The following SPRED1 variants were observed in gnomAD, a reference collection of about 807,000 sequenced individuals.
SPRED1 encodes the protein sprouty related EVH1 domain containing 1, also known as sprouty-related, EVH1 domain-containing protein 1.
A neutral mutation model predicts 52.3 loss-of-function variants in SPRED1; 18 were observed. That is an observed-to-expected ratio of 0.34 (90% CI 0.24 to 0.51). The LOEUF (loss-of-function observed/expected upper bound fraction) is 0.51. Ranked by LOEUF, SPRED1 falls within the 20% of genes least tolerant of loss-of-function variation. The pLI is 0.97. For synonymous variants in SPRED1, 155 were observed against 179.7 expected, an observed-to-expected ratio of 0.86 and a Z score of 1.10; for missense variants, 485 against 551.0, an observed-to-expected ratio of 0.88 and a Z score of 1.20.
At chr15:38,274,239 C>T (rs1894499331) in intron 1 of SPRED1, among the ~76,000 whole-genome samples, 1 of 152,138 alleles carries the variant, frequency 6.6e-6, no homozygotes, top group Admixed American at 6.5e-5. Context: ...TGGTTTAGAA[C>T]CAAAATTCTA....
Position 38,271,021 on chromosome 15 carries a change from A to G in SPRED1, c.32+17804A>G, listed in dbSNP as rs369718130. On this transcript the variant is annotated intron_variant, in intron 1 of 6. Transcript: ENST00000299084. The stretch of plus-strand genomic sequence containing the variant: ...TTTTGCTTTATTTTACCTTTTAGAC[A>G]CTGGGTTTTTAAAGATAAATATTAT... Among the ~76,000 whole-genome samples the G allele has an allele frequency of 1.2e-4, 19 of 152,210 alleles. No individual in the cohort carries two copies. The East Asian group carries it at 3.1e-3, about 25-fold the overall frequency.
chr15:38,338,052 A>G (rs1232455775), intron 4 of SPRED1, among the ~76,000 whole-genome samples: 1 of 149,734 alleles, frequency 6.7e-6, no homozygotes, highest in Non-Finnish European at 1.5e-5. Flanking sequence ...AAAAAAAAAA[A>G]AAAAAAAAAA....
At chr15:38,344,621 A>G (rs1182706186) in intron 5 of SPRED1, among the ~76,000 whole-genome samples, 2 of 152,156 alleles carry the variant, frequency 1.3e-5, no homozygotes, top group Non-Finnish European at 2.9e-5. Flanking sequence ...TTTACTTACT[A>G]GCTGTGTGGC....
chr15:38,314,433 C>T (rs1240855920), intron 2 of SPRED1, among the ~76,000 whole-genome samples: 1 of 151,816 alleles, frequency 6.6e-6, no homozygotes. Context: ...TGTCAGCATC[C>T]ACCACCTTTT....
At chr15:38,316,983 A>C (rs969496860) in intron 2 of SPRED1, among the ~76,000 whole-genome samples, 1 of 151,548 alleles carries the variant, frequency 6.6e-6, no homozygotes, top group African/African-American at 2.4e-5. Context: ...TATTTACTTT[A>C]CAGTAGCTGT....
rs149041849 is a variant in SPRED1 at position 38,276,688 on chromosome 15, A to G, written c.33-22685A>G. Among the ~76,000 whole-genome samples, 222 of 152,270 alleles carry G rather than the reference A, an allele frequency of 1.5e-3. 2 individuals are homozygous for G. Among genetic ancestry groups the G allele is most frequent in the African/African-American group, 4.8e-3 (200 of 41,546 alleles). ...ATGTGAAATACTCTTCCTATTGTGG[A>G]TGTATTTTGTTCAGGCTTTCAAGTA... On this transcript the variant is annotated intron_variant, in intron 1 of 6. Coordinates refer to ENST00000299084, the MANE Select transcript of SPRED1 (RefSeq NM_152594.3).
chr15:38,345,906 G>T (rs139338076), intron 5 of SPRED1, among the ~76,000 whole-genome samples: 2 of 152,252 alleles, frequency 1.3e-5, no homozygotes, highest in African/African-American at 4.8e-5. Flanking sequence ...GGCCGATAGT[G>T]CATATGTTCA....
At chr15:38,286,750 T>A (rs994253102) in intron 1 of SPRED1, among the ~76,000 whole-genome samples, 5 of 152,202 alleles carry the variant, frequency 3.3e-5, no homozygotes, top group African/African-American at 1.2e-4. Flanking sequence ...ATTTTTCATT[T>A]CTTTTAAACC....
intron 3 of SPRED1, among the ~76,000 whole-genome samples, chr15:38,324,251 C>A (rs1895664314): frequency 6.6e-6 from 1 of 152,170 alleles, no homozygotes; most frequent in African/African-American, 2.4e-5. Context: ...GCATGAAAAT[C>A]TGTACAGAGA....
intron 1 of SPRED1, among the ~76,000 whole-genome samples, chr15:38,291,641 A>G (rs975204797): frequency 5.3e-5 from 8 of 152,232 alleles, no homozygotes; most frequent in Non-Finnish European, 8.8e-5. Context: ...GTTCAACACC[A>G]TGTAGAAGCT....
At chr15:38,287,002 G>T (rs1199029941) in intron 1 of SPRED1, among the ~76,000 whole-genome samples, 1 of 152,072 alleles carries the variant, frequency 6.6e-6, no homozygotes, top group Non-Finnish European at 1.5e-5. Flanking sequence ...AACTTCTTGA[G>T]GGAAGGTATA....
At chr15:38,288,378 C>G (rs1894851881) in intron 1 of SPRED1, among the ~76,000 whole-genome samples, 1 of 152,068 alleles carries the variant, frequency 6.6e-6, no homozygotes, top group Non-Finnish European at 1.5e-5. Flanking sequence ...AACAAGGTTC[C>G]TACTCATGGA....
chr15:38,320,883 C>T (rs1306002666), intron 2 of SPRED1, among the ~76,000 whole-genome samples: 1 of 152,066 alleles, frequency 6.6e-6, no homozygotes, highest in Non-Finnish European at 1.5e-5. Context: ...TGATGAAAGA[C>T]AGGCCCAGGA....
At chr15:38,329,184 A>C (rs1035413296) in intron 4 of SPRED1, among the ~76,000 whole-genome samples, 2 of 152,188 alleles carry the variant, frequency 1.3e-5, no homozygotes, top group Non-Finnish European at 2.9e-5. Context: ...AGGTTGAAAG[A>C]GGAAAAGATC....
At chr15:38,311,915 C>A (rs1895375070) in intron 2 of SPRED1, among the ~76,000 whole-genome samples, 1 of 151,772 alleles carries the variant, frequency 6.6e-6, no homozygotes, top group South Asian at 2.1e-4. Context: ...TTTCTTTTTG[C>A]TTGCTTTGGG....
intron 4 of SPRED1, among the ~76,000 whole-genome samples, chr15:38,338,078 G>C (rs1025834897): frequency 1.3e-5 from 2 of 150,496 alleles, no homozygotes; most frequent in Non-Finnish European, 3.0e-5. Flanking sequence ...TGGGCGTGGC[G>C]GCGGGCTCCT....
At chr15:38,297,080 C>T (rs1027357777) in intron 1 of SPRED1, among the ~76,000 whole-genome samples, 5 of 152,248 alleles carry the variant, frequency 3.3e-5, no homozygotes, top group Non-Finnish European at 5.9e-5. Flanking sequence ...GTGCCTTGAT[C>T]TTGGTTTTCC....
chr15:38,318,325 C>T lies in SPRED1; in HGVS notation c.208-3916C>T, dbSNP rs191136108. Among the ~76,000 whole-genome samples the T allele has an allele frequency of 2.6e-5, 4 of 152,208 alleles. No individual in the cohort carries two copies. The East Asian group carries it at 7.7e-4, about 29-fold the overall frequency. On this transcript the variant is annotated intron_variant, in intron 2 of 6. Transcript: ENST00000299084. ...TACTGGTTGGTATGATATTTAAACT[C>T]AGTATTTTCATGACTTTTACGTGGA...
At chr15:38,285,744 C>A (rs185566934) in intron 1 of SPRED1, among the ~76,000 whole-genome samples, 9 of 152,232 alleles carry the variant, frequency 5.9e-5, no homozygotes, top group Admixed American at 3.3e-4. Context: ...TTTAAAAGAT[C>A]ACTCAAATGT....
Sources: gnomAD v4.1 joint callset for allele counts (sites outside exome capture counted in the v4.1 genomes callset) on GRCh38, gnomAD v4.1.1 for gene constraint, MANE v1.5 for transcripts, NCBI Gene and HGNC (gene_info 2026-07-23, HGNC 2026-07-21) for gene names.